The following GRID2 variants were observed in gnomAD, a reference collection of about 807,000 sequenced individuals.
The protein encoded by GRID2 is glutamate receptor ionotropic, delta-2.
Under a neutral mutation model 114.8 loss-of-function variants are expected in GRID2, and 33 were observed. That is an observed-to-expected ratio of 0.29 (90% confidence interval 0.22 to 0.38). The LOEUF (loss-of-function observed/expected upper bound fraction) is 0.38. Ranked by LOEUF, GRID2 falls within the 10% of genes least tolerant of loss-of-function variation. The probability of loss-of-function intolerance (pLI) is 1.00; values close to 1 mark genes in which losing one functional copy is unlikely to be tolerated. For synonymous variants in GRID2, 505 were observed against 449.9 expected (o/e 1.12, Z -1.55); for missense variants, 1,184 against 1,257.7 (o/e 0.94, Z 0.89).
Position 93,293,335 on chromosome 4 carries a change from G to T in GRID2, c.1245+54845G>T, listed in dbSNP as rs73837773. 5.4e-3 allele frequency among the ~76,000 whole-genome samples: 814 copies of T among 152,004 alleles called. 5 individuals carry two copies. The highest frequency in any genetic ancestry group is 0.019 in the African/African-American group (779 of 41,462). On this transcript the variant is annotated intron_variant, in intron 8 of 15. Coordinates refer to ENST00000282020, the MANE Select transcript of GRID2 (RefSeq NM_001510.4). ...GTTATACGCTGCTGAGTCTAATCGAGGCACATTCAATACTAATAAGTAAAA... is the reference window on the plus strand; with the variant it reads ...GTTATACGCTGCTGAGTCTAATCGATGCACATTCAATACTAATAAGTAAAA...
At chr4:93,535,461 T>C (rs375246924) in intron 13 of GRID2, among the ~76,000 whole-genome samples, 22 of 152,148 alleles carry the variant, frequency 1.4e-4, no homozygotes, top group African/African-American at 5.1e-4. Context: ...TAATTTTTCA[T>C]GGAAGCTCCG....
intron 7 of GRID2, among the ~76,000 whole-genome samples, chr4:93,227,637 A>T (rs1402659179): frequency 1.3e-5 from 2 of 152,122 alleles, no homozygotes; most frequent in Non-Finnish European, 2.9e-5. Flanking sequence ...TTTTTCTCAC[A>T]TCTTATTATG....
chr4:92,721,380 A>G (rs1233111644), intron 2 of GRID2, among the ~76,000 whole-genome samples: 1 of 152,132 alleles, frequency 6.6e-6, no homozygotes. Flanking sequence ...CAAATAAATC[A>G]TTGGTGGTAT....
chr4:92,544,456 C>A (rs1044286413), intron 1 of GRID2, among the ~76,000 whole-genome samples: 1 of 152,038 alleles, frequency 6.6e-6, no homozygotes, highest in Non-Finnish European at 1.5e-5. Flanking sequence ...AATGTGGTTG[C>A]GCCAGAGCAT....
chr4:93,751,475 C>A (rs1732312700), intron 14 of GRID2, among the ~76,000 whole-genome samples: 1 of 152,116 alleles, frequency 6.6e-6, no homozygotes, highest in African/African-American at 2.4e-5. Flanking sequence ...GGGTCTCCCA[C>A]AGTTCCAGGC....
intron 2 of GRID2, among the ~76,000 whole-genome samples, chr4:92,911,548 A>G (rs1006678833): frequency 5.3e-5 from 8 of 151,880 alleles, no homozygotes; most frequent in African/African-American, 1.2e-4. Flanking sequence ...AACAAATACT[A>G]TGTCATTTGT....
chr4:92,908,708 A>G (rs2149488692), intron 2 of GRID2, among the ~76,000 whole-genome samples: 1 of 152,196 alleles, frequency 6.6e-6, no homozygotes, highest in East Asian at 1.9e-4. Context: ...TAAAGAGAAT[A>G]GTTATATAAA....
intron 14 of GRID2, among the ~76,000 whole-genome samples, chr4:93,632,379 G>C (rs1453805991): frequency 6.6e-6 from 1 of 152,150 alleles, no homozygotes; most frequent in African/African-American, 2.4e-5. Flanking sequence ...GATCCATCTT[G>C]AATGAATTTT....
chr4:92,954,190 T>C (rs1052033455), intron 2 of GRID2, among the ~76,000 whole-genome samples: 1 of 150,494 alleles, frequency 6.6e-6, no homozygotes, highest in African/African-American at 2.4e-5. Context: ...AAGCATACTA[T>C]GTGTGTGTGT....
chr4:93,290,695 C>CT (rs951409848), intron 8 of GRID2, among the ~76,000 whole-genome samples: 4 of 151,574 alleles, frequency 2.6e-5, no homozygotes, highest in African/African-American at 7.3e-5. Flanking sequence ...TTTCTTTTTT[C>CT]TTTTTTCATC....
chr4:93,617,196 TG>T (rs1741767612), intron 13 of GRID2, among the ~76,000 whole-genome samples: 1 of 152,158 alleles, frequency 6.6e-6, no homozygotes, highest in Admixed American at 6.5e-5. Context: ...TTTGTCCTTT[TG>T]TTTTCCCACG....
intron 2 of GRID2, among the ~76,000 whole-genome samples, chr4:92,978,280 A>G (rs1034072746): frequency 1.1e-4 from 16 of 147,660 alleles, no homozygotes; most frequent in African/African-American, 3.3e-4. Context: ...GTTTGATTTC[A>G]GTAATTATTA....
At chr4:92,636,187 C>T (rs1046702081) in intron 2 of GRID2, among the ~76,000 whole-genome samples, 1 of 151,918 alleles carries the variant, frequency 6.6e-6, no homozygotes, top group Admixed American at 6.6e-5. Flanking sequence ...ATTACTATTT[C>T]GTTGAAGATT....
chr4:92,531,693 T>C (rs905956020), intron 1 of GRID2, among the ~76,000 whole-genome samples: 7 of 152,058 alleles, frequency 4.6e-5, no homozygotes, highest in African/African-American at 1.7e-4. Context: ...AGAAATGAAT[T>C]TATGAGAGGA....
chr4:92,508,727 A>C (rs180854176), intron 1 of GRID2, among the ~76,000 whole-genome samples: 2 of 152,050 alleles, frequency 1.3e-5, no homozygotes, highest in Non-Finnish European at 2.9e-5. Flanking sequence ...GTTGGATTTC[A>C]TTCTAAGCAA....
At chr4:92,471,853 C>G (rs1049414176) in intron 1 of GRID2, among the ~76,000 whole-genome samples, 9 of 150,632 alleles carry the variant, frequency 6.0e-5, no homozygotes, top group Admixed American at 5.9e-4. Context: ...TAAACAGAAT[C>G]ATACAATCTA....
chr4:93,245,125 G>T (rs1355438273), intron 8 of GRID2, among the ~76,000 whole-genome samples: 1 of 151,878 alleles, frequency 6.6e-6, no homozygotes. Flanking sequence ...TTTATAATTT[G>T]TCTTTCCCAT....
chr4:93,345,887 T>G (rs1014928261), intron 8 of GRID2, among the ~76,000 whole-genome samples: 1 of 152,256 alleles, frequency 6.6e-6, no homozygotes, highest in African/African-American at 2.4e-5. Flanking sequence ...CAATGCACAT[T>G]TATTGAAGAG....
At chr4:92,309,551 T>C (rs1019858158) in intron 1 of GRID2, among the ~76,000 whole-genome samples, 7 of 151,748 alleles carry the variant, frequency 4.6e-5, no homozygotes, top group Non-Finnish European at 7.4e-5. Context: ...GAAAACCACA[T>C]GAAATATTTT....
Sources: allele counts gnomAD v4.1 joint callset (sites outside exome capture counted in the v4.1 genomes callset), GRCh38; gene constraint gnomAD v4.1.1; transcripts MANE v1.5; gene names NCBI Gene and HGNC (gene_info 2026-07-23, HGNC 2026-07-21).